Variants in RBFOX1 observed in about 807,000 individuals in gnomAD.
The protein encoded by RBFOX1 is RNA binding fox-1 homolog 1.
RBFOX1 carries 8 observed loss-of-function variants against 57.7 expected under a neutral mutation model. The ratio of observed to expected loss-of-function variants is 0.14; its 90% CI spans 0.08 to 0.25. RBFOX1 has a LOEUF of 0.25. Ranked by LOEUF, RBFOX1 falls within the 10% of genes least tolerant of loss-of-function variation. The pLI is 1.00. For missense variants in RBFOX1, 611 were observed against 548.5 expected (o/e 1.11, Z -1.14); for synonymous variants, 326 against 222.4 (o/e 1.47, Z -4.15).
rs184834083 is a variant in RBFOX1, at chr16:7,135,604, A to C, written c.27+83506A>C. Among the ~76,000 whole-genome samples the C allele has an allele frequency of 2.0e-5, 3 of 152,342 alleles. No homozygotes were observed. In the East Asian group the frequency reaches 5.8e-4, roughly 29 times the overall value. On this transcript the variant is annotated intron_variant, in intron 4 of 15. Transcript: ENST00000550418. ...TTTCATTTTTGAATCTCTGAGCATAAACTTTGTAGTTGTTAATTTAATTGC... is the reference window on the plus strand; with the variant it reads ...TTTCATTTTTGAATCTCTGAGCATACACTTTGTAGTTGTTAATTTAATTGC...
At chr16:7,183,400 G>A (rs2083114666) in intron 4 of RBFOX1, among the ~76,000 whole-genome samples, 1 of 152,154 alleles carries the variant, frequency 6.6e-6, no homozygotes, top group Non-Finnish European at 1.5e-5. Flanking sequence ...AGCACTTGAG[G>A]CCAGTGGGCA....
At chr16:6,211,280 G>T (rs1433335444) in intron 1 of RBFOX1, among the ~76,000 whole-genome samples, 5 of 142,334 alleles carry the variant, frequency 3.5e-5, no homozygotes, top group Non-Finnish European at 7.6e-5. Flanking sequence ...CCAGGCTGGA[G>T]GGCAGTGGCA....
intron 2 of RBFOX1, among the ~76,000 whole-genome samples, chr16:6,354,028 T>A (rs1418649982): frequency 6.6e-6 from 1 of 152,080 alleles, no homozygotes; most frequent in Non-Finnish European, 1.5e-5. Flanking sequence ...AAGACCAGCC[T>A]CACCAATATG....
chr16:6,928,331 C>A (rs1001321585), intron 3 of RBFOX1, among the ~76,000 whole-genome samples: 2 of 151,950 alleles, frequency 1.3e-5, no homozygotes, highest in African/African-American at 4.8e-5. Context: ...TGGAGGAAGA[C>A]GGGGCGGGGA....
At chr16:5,492,324 A>G (rs986670055) in intron 2 of RBFOX1, among the ~76,000 whole-genome samples, 1 of 152,172 alleles carries the variant, frequency 6.6e-6, no homozygotes, top group Non-Finnish European at 1.5e-5. Context: ...ATGCATATTC[A>G]CTTAGTACTT....
At chr16:5,487,881 T>C (rs1007844169) in intron 2 of RBFOX1, among the ~76,000 whole-genome samples, 2 of 151,998 alleles carry the variant, frequency 1.3e-5, no homozygotes, top group Non-Finnish European at 2.9e-5. Flanking sequence ...ATGATGGTGG[T>C]GGTAGTGGTG....
chr16:7,316,537 A>G (rs1603619323), intron 4 of RBFOX1, among the ~76,000 whole-genome samples: 2 of 152,210 alleles, frequency 1.3e-5, no homozygotes, highest in Non-Finnish European at 2.9e-5. Context: ...TTGAAGGGAT[A>G]CAGACAAGGA....
intron 1 of RBFOX1, among the ~76,000 whole-genome samples, chr16:6,086,455 C>T (rs1463001244): frequency 6.6e-6 from 1 of 152,126 alleles, no homozygotes; most frequent in African/African-American, 2.4e-5. Flanking sequence ...TTCACCAGCA[C>T]TGTCTGAGAG....
intron 3 of RBFOX1, among the ~76,000 whole-genome samples, chr16:6,752,750 C>G (rs979668983): frequency 2.8e-4 from 43 of 152,100 alleles, no homozygotes; most frequent in Non-Finnish European, 3.7e-4. Context: ...CCCCCTTTCC[C>G]TTACTGCTTC....
At position 7,521,201 on chromosome 16, in the gene RBFOX1, G is replaced by A. The variant is rs537812999; in HGVS notation, c.270+2812G>A. ...CAGTCAGAGGTCTTAAAGTTGGAAA[G>A]ATCTGGGCTCACTCAAAGTCCTAAG... On this transcript the variant is annotated intron_variant, in intron 5 of 15. Transcript: ENST00000550418. 2.0e-5 allele frequency among the ~76,000 whole-genome samples: 3 copies of A among 152,328 alleles called. No homozygotes were observed. In the East Asian group the frequency reaches 5.8e-4, roughly 29 times the overall value.
intron 4 of RBFOX1, among the ~76,000 whole-genome samples, chr16:7,054,103 C>G (rs1385516882): frequency 1.3e-5 from 2 of 149,000 alleles, no homozygotes; most frequent in Admixed American, 6.8e-5. Context: ...GTCTTTCCAT[C>G]TCTTTCTTCT....
intron 1 of RBFOX1, among the ~76,000 whole-genome samples, chr16:6,198,105 G>A (rs1219471366): frequency 6.6e-6 from 1 of 152,156 alleles, no homozygotes; most frequent in East Asian, 1.9e-4. Flanking sequence ...ACCTGGTCCT[G>A]TGCATTTCAG....
chr16:7,536,828 C>G (rs1268092121), intron 5 of RBFOX1, among the ~76,000 whole-genome samples: 1 of 152,152 alleles, frequency 6.6e-6, no homozygotes, highest in African/African-American at 2.4e-5. Flanking sequence ...ATTGGCAATG[C>G]TACAGATGAG....
rs533891564 is a variant in RBFOX1, at chr16:5,940,867, C to G, written c.351+73532C>G. On this transcript the variant is annotated intron_variant, in intron 4 of 19. Transcript: ENST00000641259. ...AGGTGGCTGGGTGGGGGTTCCAACCCTGCGTTTACATGTTGGGCTGTGTGT... is the reference window on the plus strand; with the variant it reads ...AGGTGGCTGGGTGGGGGTTCCAACCGTGCGTTTACATGTTGGGCTGTGTGT... Among the ~76,000 whole-genome samples the G allele has an allele frequency of 7.2e-5, 11 of 152,226 alleles. No individual in the cohort carries two copies. In the South Asian group the frequency reaches 2.1e-3, roughly 29 times the overall value.
At chr16:6,613,730 C>T (rs1841558966) in intron 2 of RBFOX1, among the ~76,000 whole-genome samples, 2 of 152,138 alleles carry the variant, frequency 1.3e-5, no homozygotes, top group African/African-American at 4.8e-5. Context: ...CGAGGCCAAG[C>T]GTTTGAGACC....
At chr16:6,937,317 A>C (rs1444116983) in intron 3 of RBFOX1, among the ~76,000 whole-genome samples, 1 of 152,128 alleles carries the variant, frequency 6.6e-6, no homozygotes, top group Non-Finnish European at 1.5e-5. Context: ...ACATCCCCCG[A>C]ACAACCACCC....
chr16:6,067,612 TC>T (rs1282983741), intron 1 of RBFOX1, among the ~76,000 whole-genome samples: 1 of 152,198 alleles, frequency 6.6e-6, no homozygotes, highest in East Asian at 1.9e-4. Context: ...GTTTTGCTTT[TC>T]CATGAAGGTA....
In RBFOX1 at chr16:7,709,277, T is replaced by G. The variant is rs566889594; in HGVS notation, c.1071+146T>G. 10 of 943,042 alleles carry G rather than the reference T, an allele frequency of 1.1e-5. No individual in the cohort carries two copies. In the South Asian group the frequency reaches 1.6e-4, roughly 15 times the overall value. The allele number at this position is 943,042 out of a possible 1,614,324, so 58.4% of individuals were successfully genotyped here. ...AACAGCAGCTAAAATGCCACATTAA[T>G]CCTCCCAGTAAACTTGATAAATGTC... is the stretch of plus-strand genomic sequence containing the variant. On this transcript the variant is annotated intron_variant, in intron 15 of 15. Transcript: ENST00000550418.
chr16:5,630,681 C>T (rs151142622), intron 3 of RBFOX1, among the ~76,000 whole-genome samples: 7 of 152,134 alleles, frequency 4.6e-5, no homozygotes, highest in East Asian at 1.9e-4. Context: ...GAAGCCAAGC[C>T]GGCTTCTTAT....
Sources: allele counts gnomAD v4.1 joint callset (sites outside exome capture counted in the v4.1 genomes callset), GRCh38; gene constraint gnomAD v4.1.1; transcripts MANE v1.5; gene names NCBI Gene and HGNC (gene_info 2026-07-23, HGNC 2026-07-21).